Variants in IL12RB1 observed in about 807,000 individuals in gnomAD.
IL12RB1 encodes the protein interleukin 12 receptor subunit beta 1.
IL12RB1 carries 64 observed loss-of-function variants against 94.4 expected under a neutral mutation model. That is an observed-to-expected ratio of 0.68 (90% CI 0.55 to 0.83). IL12RB1 has a LOEUF of 0.83. Ranked by LOEUF, IL12RB1 falls within the 40% of genes least tolerant of loss-of-function variation. The probability of loss-of-function intolerance (pLI) is 0.00; values close to 1 mark genes in which losing one functional copy is unlikely to be tolerated. For synonymous variants in IL12RB1, 362 were observed against 355.5 expected (o/e 1.02, Z -0.21); for missense variants, 814 against 855.6 (o/e 0.95, Z 0.61).
At chr19:18,068,589 A>C in intron 10 of IL12RB1, 63 bp from the exon 11 acceptor site, 1 of 1,414,774 alleles carries the variant, frequency 7.1e-7, no homozygotes. Flanking sequence ...GCACCTTTGC[A>C]CTGGCTGTGC....
intron 1 of IL12RB1, among the ~76,000 whole-genome samples, chr19:18,083,743 C>CCCATCCATCCATCCAT (rs146292111): frequency 6.8e-6 from 1 of 147,972 alleles, no homozygotes; most frequent in African/African-American, 2.5e-5. Flanking sequence ...CATCCATTCA[C>CCCATCCATCCATCCAT]CCATCCATCC....
chr19:18,094,662 G>A (rs1193685936), intron 1 of IL12RB1, among the ~76,000 whole-genome samples: 1 of 152,160 alleles, frequency 6.6e-6, no homozygotes, highest in Non-Finnish European at 1.5e-5. Context: ...CCAAGATTTT[G>A]AGATCAGCCT....
At chr19:18,075,252 CTTT>C (rs71164363) in intron 7 of IL12RB1, among the ~76,000 whole-genome samples, 1 of 132,972 alleles carries the variant, frequency 7.5e-6, no homozygotes, top group African/African-American at 2.7e-5. Context: ...TTTATTATTA[CTTT>C]TTTTTTTTTT....
intron 9 of IL12RB1, 57 bp from the exon 10 acceptor site, chr19:18,069,770 C>CT (rs1185638909): frequency 7.9e-7 from 1 of 1,262,998 alleles, no homozygotes; most frequent in African/African-American, 1.5e-5. Flanking sequence ...CCCCAGTCCC[C>CT]TTCTCTGGCT....
At chr19:18,093,064 G>A (rs1364184933) in intron 1 of IL12RB1, among the ~76,000 whole-genome samples, 1 of 151,970 alleles carries the variant, frequency 6.6e-6, no homozygotes, top group African/African-American at 2.4e-5. Flanking sequence ...TAGCACTTTG[G>A]GAGGCTGAGG....
chr19:18,061,859 T>C (rs1340228745), intron 14 of IL12RB1, among the ~76,000 whole-genome samples: 2 of 49,440 alleles, frequency 4.0e-5, no homozygotes, highest in African/African-American at 8.0e-5. Context: ...TAAGACTCCA[T>C]CTCAAAAAAG....
intron 14 of IL12RB1, 67 bp downstream of exon 14, chr19:18,062,114 C>T: frequency 1.8e-6 from 2 of 1,095,040 alleles, no homozygotes; most frequent in Non-Finnish European, 2.8e-6. Flanking sequence ...GGGCTAAGCT[C>T]CACTTTAGGG....
intron 2 of IL12RB1, 116 bp from the exon 3 acceptor site, chr19:18,082,380 C>T (rs557872365): frequency 3.2e-5 from 23 of 712,070 alleles, no homozygotes; most frequent in African/African-American, 3.0e-4. Context: ...AAACCCTCCC[C>T]GCGTCCTTCC....
upstream of IL12RB1, chr19:18,091,630 C>T (rs1226802862): frequency 6.6e-6 from 1 of 152,148 alleles, no homozygotes; most frequent in Non-Finnish European, 1.5e-5. Flanking sequence ...CATCACTCAT[C>T]AACAAGAACA....
chr19:18,066,425 G>T (rs1251443202), intron 12 of IL12RB1, 117 bp downstream of exon 12: 16 of 727,382 alleles, frequency 2.2e-5, no homozygotes, highest in Non-Finnish European at 3.8e-5. Context: ...TGTTTTAAGG[G>T]TTTGATAACC....
At chr19:18,064,105 T>C in intron 12 of IL12RB1, 95 bp from the exon 13 acceptor site, 2 of 736,998 alleles carry the variant, frequency 2.7e-6, no homozygotes, top group Non-Finnish European at 4.6e-6. Flanking sequence ...TGGGGATTCA[T>C]AGGCATTTTG....
At chr19:18,077,213 C>T (rs551722297) in intron 5 of IL12RB1, among the ~76,000 whole-genome samples, 15 of 151,996 alleles carry the variant, frequency 9.9e-5, no homozygotes, top group African/African-American at 3.6e-4. Context: ...CAAAAATTAG[C>T]TGCGTGTGGT....
At chr19:18,098,892 G>C in exon 1 of IL12RB1, 1 of 439,754 alleles carries the variant, frequency 2.3e-6, no homozygotes, top group Non-Finnish European at 4.6e-6. Context: ...GTGACCCCAC[G>C]GAGTGATCAG....
Position 18,072,278 on chromosome 19 carries a change from C to A in IL12RB1, c.855G>T (p.Gln285His). ...APGTEVTYRL[Q>H]LHMLSCPCKA... ...TACACGGGCAGGACAGCATGTGGAG[C>A]TGTAGTCGGTAAGTGACCTCCGTGC... The change falls in exon 9 of 17, where the codon CAG (glutamine) becomes CAT (histidine). Residue 285 changes from glutamine to histidine, a missense_variant. By Grantham distance (24) the Gln-to-His change is conservative. Transcript: ENST00000593993. 6 of 1,614,116 alleles carry A rather than the reference C, an allele frequency of 3.7e-6. No homozygotes were observed. The highest frequency in any genetic ancestry group is 4.2e-6 in the Non-Finnish European group (5 of 1,180,004).
intron 1 of IL12RB1, among the ~76,000 whole-genome samples, chr19:18,094,946 G>A (rs1334207030): frequency 1.2e-4 from 18 of 152,160 alleles, no homozygotes; most frequent in Non-Finnish European, 1.5e-5. Context: ...GGAGGCCAAG[G>A]TGGATGGATC....
chr19:18,075,392 C>T, intron 7 of IL12RB1, among the ~76,000 whole-genome samples: 1 of 151,808 alleles, frequency 6.6e-6, no homozygotes, highest in East Asian at 1.9e-4. Context: ...TCCCAAGTAG[C>T]TGGGATTACA....
chr19:18,086,368 G>A (rs1410567943), intron 1 of IL12RB1, among the ~76,000 whole-genome samples: 1 of 151,884 alleles, frequency 6.6e-6, no homozygotes, highest in East Asian at 1.9e-4. Context: ...ATCTGCAGAG[G>A]GTCCTGGAAC....
chr19:18,059,767 A>G, intron 16 of IL12RB1, 127 bp downstream of exon 16: 1 of 729,392 alleles, frequency 1.4e-6, no homozygotes, highest in Non-Finnish European at 2.5e-6. Flanking sequence ...CTGTAAGACA[A>G]AGTGGATGTT....
chr19:18,064,463 C>G (rs1490554611), intron 12 of IL12RB1, among the ~76,000 whole-genome samples: 1 of 142,546 alleles, frequency 7.0e-6, no homozygotes, highest in Non-Finnish European at 1.6e-5. Context: ...TTAATGCGCC[C>G]ATTCATCTCA....
Sources: gnomAD v4.1 joint callset for allele counts (sites outside exome capture counted in the v4.1 genomes callset) on GRCh38, gnomAD v4.1.1 for gene constraint, MANE v1.5 for transcripts, NCBI Gene and HGNC (gene_info 2026-07-23, HGNC 2026-07-21) for gene names.